The following MEGF11 variants were observed in gnomAD, a reference collection of about 807,000 sequenced individuals.
MEGF11 encodes the protein multiple epidermal growth factor-like domains protein 11.
Under a neutral mutation model 146.6 loss-of-function variants are expected in MEGF11, and 126 were observed. The observed-to-expected ratio is 0.86, with a 90% CI of 0.74 to 1.00. The LOEUF (loss-of-function observed/expected upper bound fraction) is 1.00, where lower values mean the gene tolerates loss of function less well. Among genes scored for constraint, MEGF11 ranks in the 50% least tolerant of loss-of-function variants. MEGF11 has a pLI of 0.00. For missense variants in MEGF11, 1,509 were observed against 1,521.2 expected, an observed-to-expected ratio of 0.99 and a Z score of 0.13; for synonymous variants, 532 against 583.4, an observed-to-expected ratio of 0.91 and a Z score of 1.27.
chr15:66,085,913 CA>C (rs201053654), intron 5 of MEGF11, among the ~76,000 whole-genome samples: 2,957 of 151,926 alleles, frequency 0.019, 31 homozygotes, highest in Non-Finnish European at 0.03. Flanking sequence ...CAAGGAAATC[CA>C]AAAAATGATA....
At chr15:65,898,971 A>ATTC (rs2078425047) in intron 24 of MEGF11, 37 bp from the exon 25 acceptor site, 1 of 1,605,208 alleles carries the variant, frequency 6.2e-7, no homozygotes, top group Admixed American at 1.7e-5. Flanking sequence ...ACAAGCAAGA[A>ATTC]TACAAGTCTT....
At chr15:66,074,498 T>C (rs1399141664) in intron 5 of MEGF11, among the ~76,000 whole-genome samples, 1 of 151,994 alleles carries the variant, frequency 6.6e-6, no homozygotes, top group Non-Finnish European at 1.5e-5. Context: ...TGGAGCCGAG[T>C]TTTTCAAACT....
At chr15:65,968,983 G>C (rs749954835) in intron 8 of MEGF11, among the ~76,000 whole-genome samples, 2 of 152,164 alleles carry the variant, frequency 1.3e-5, no homozygotes, top group Non-Finnish European at 2.9e-5. Flanking sequence ...CAGGCAGCCC[G>C]TTTAGGTGAG....
At chr15:65,909,231 G>A in intron 22 of MEGF11, 96 bp from the exon 23 acceptor site, 1 of 888,574 alleles carries the variant, frequency 1.1e-6, no homozygotes, top group Non-Finnish European at 1.8e-6. Context: ...CAGGGTCAGG[G>A]TGAGGCAGGC....
At chr15:66,252,850 G>C (rs1232796945) in intron 1 of MEGF11, among the ~76,000 whole-genome samples, 1 of 152,184 alleles carries the variant, frequency 6.6e-6, no homozygotes, top group South Asian at 2.1e-4. Context: ...TGGGAACTTC[G>C]GGACCACGCT....
rs1005388226 is a variant in MEGF11, at chr15:65,930,897, T to C, written c.1334A>G (p.Asn445Ser). The change falls in exon 11 of 26, where the codon AAC becomes AGC. Residue 445 changes from asparagine to serine, a missense_variant. By Grantham distance (46) the Asn-to-Ser change is conservative. Transcript: ENST00000395614. ...GTTACAGCTACAGATGGACGAGCAGTTGGGGCCATAGGTCCCTGCTGCACA... is the reference window on the plus strand; with the variant it reads ...GTTACAGCTACAGATGGACGAGCAGCTGGGGCCATAGGTCCCTGCTGCACA... ...VSCAAGTYGP[N>S]CSSICSCNNG... is the part of the protein sequence containing the mutation. 2 of 1,611,614 alleles carry C rather than the reference T, an allele frequency of 1.2e-6. No homozygotes were observed. Among genetic ancestry groups the C allele is most frequent in the Admixed American group, 1.7e-5 (1 of 59,756 alleles).
Position 65,913,848 on chromosome 15 carries a change from C to G in MEGF11, c.2599G>C (p.Gly867Arg). ...CGCCGCCGATGCCAGGCAAATAGGCCCAGCAGCACCACAATGAGGAATAAC... is the reference window on the plus strand; with the variant it reads ...CGCCGCCGATGCCAGGCAAATAGGCGCAGCAGCACCACAATGAGGAATAAC... ...LLLFLIVVLL[G>R]LFAWHRRRQK... The change falls in exon 20 of 26, where the codon GGC (glycine) becomes CGC (arginine). Residue 867 changes from glycine to arginine, a missense_variant. Gly to Arg is a moderately radical substitution (Grantham distance 125). Transcript: ENST00000395614. 6 of 1,613,992 alleles carry G rather than the reference C, an allele frequency of 3.7e-6. No homozygotes were observed. The highest frequency in any genetic ancestry group is 5.1e-6 in the Non-Finnish European group (6 of 1,179,882).
chr15:65,916,611 C>T, intron 17 of MEGF11: 1 of 859,840 alleles, frequency 1.2e-6, no homozygotes, highest in Non-Finnish European at 1.9e-6. Flanking sequence ...GCAGCCCTGA[C>T]CTTCCAGGAC....
chr15:66,057,459 C>A (rs111319899), intron 5 of MEGF11, among the ~76,000 whole-genome samples: 2 of 152,062 alleles, frequency 1.3e-5, no homozygotes, highest in African/African-American at 4.8e-5. Flanking sequence ...AGCAGCATCC[C>A]GTAGGATACC....
chr15:66,030,107 C>A (rs2083463508), intron 5 of MEGF11, among the ~76,000 whole-genome samples: 2 of 152,328 alleles, frequency 1.3e-5, no homozygotes, highest in African/African-American at 4.8e-5. Context: ...GTGACAATGT[C>A]CTTCAGGCTC....
At chr15:66,065,726 G>A (rs893916038) in intron 5 of MEGF11, among the ~76,000 whole-genome samples, 22 of 152,342 alleles carry the variant, frequency 1.4e-4, no homozygotes, top group African/African-American at 5.3e-4. Flanking sequence ...TTAGAGGCTT[G>A]AAAATGAGAT....
chr15:66,015,753 G>A lies in MEGF11; in HGVS notation c.395-33265C>T, dbSNP rs146548871. The stretch of plus-strand genomic sequence containing the variant: ...TTAATTTATTCATCCAATAGACAGC[G>A]TACACCTGCCCTGGGAAGGAGTGCT... On this transcript the variant is annotated intron_variant, in intron 5 of 25. Transcript: ENST00000395614. Among the ~76,000 whole-genome samples the A allele has an allele frequency of 7.9e-5, 12 of 152,304 alleles. No homozygotes were observed. The East Asian group carries it at 1.7e-3, about 22-fold the overall frequency.
intron 1 of MEGF11, among the ~76,000 whole-genome samples, chr15:66,162,302 T>C (rs886467535): frequency 6.6e-6 from 1 of 152,202 alleles, no homozygotes; most frequent in African/African-American, 2.4e-5. Flanking sequence ...GCCACCAAAC[T>C]GCACACTTAA....
At chr15:66,135,176 C>T (rs1010443851) in intron 1 of MEGF11, among the ~76,000 whole-genome samples, 1 of 152,214 alleles carries the variant, frequency 6.6e-6, no homozygotes, top group Admixed American at 6.5e-5. Context: ...TATTAGTTTC[C>T]TTCCCAGCCA....
intron 10 of MEGF11, among the ~76,000 whole-genome samples, chr15:65,936,840 A>G (rs967056303): frequency 2.0e-5 from 3 of 152,176 alleles, no homozygotes; most frequent in Non-Finnish European, 4.4e-5. Flanking sequence ...CACACAGGCA[A>G]CAGAATATTG....
intron 5 of MEGF11, 57 bp downstream of exon 5, chr15:66,094,345 C>T (rs1262430933): frequency 6.9e-7 from 1 of 1,442,044 alleles, no homozygotes; most frequent in Admixed American, 2.0e-5. Flanking sequence ...CACCACAACC[C>T]ACTCCCCTAC....
chr15:65,921,245 A>G (rs903608349), intron 15 of MEGF11, among the ~76,000 whole-genome samples: 1 of 152,180 alleles, frequency 6.6e-6, no homozygotes, highest in Non-Finnish European at 1.5e-5. Context: ...GATTTCTTGC[A>G]TAGATGACCT....
chr15:65,991,411 G>T (rs2082040278), intron 5 of MEGF11, among the ~76,000 whole-genome samples: 1 of 152,168 alleles, frequency 6.6e-6, no homozygotes, highest in Non-Finnish European at 1.5e-5. Context: ...TGAGAAAACT[G>T]AGGTTCAGAG....
intron 1 of MEGF11, among the ~76,000 whole-genome samples, chr15:66,187,193 G>A (rs2090731784): frequency 1.3e-5 from 2 of 152,212 alleles, no homozygotes; most frequent in African/African-American, 4.8e-5. Context: ...AGGTTACAAA[G>A]GACTTTCCTG....
Sources: gnomAD v4.1 joint callset for allele counts (sites outside exome capture counted in the v4.1 genomes callset) on GRCh38, gnomAD v4.1.1 for gene constraint, MANE v1.5 for transcripts, NCBI Gene and HGNC (gene_info 2026-07-23, HGNC 2026-07-21) for gene names.